GRID2: variants seen among roughly 807,000 people sequenced by gnomAD.
The protein encoded by GRID2 is glutamate receptor ionotropic, delta-2.
In GRID2, 33 loss-of-function variants were observed where a neutral mutation model predicts 114.8. The observed-to-expected ratio is 0.29, with a 90% confidence interval of 0.22 to 0.38. GRID2 has a LOEUF of 0.38. Ranked by LOEUF, GRID2 falls within the 10% of genes least tolerant of loss-of-function variation. GRID2 has a pLI of 1.00. For missense variants in GRID2, 1,184 were observed against 1,257.7 expected (o/e 0.94, Z 0.89); for synonymous variants, 505 against 449.9 (o/e 1.12, Z -1.55).
At chr4:92,691,637 C>A (rs919784472) in intron 2 of GRID2, among the ~76,000 whole-genome samples, 6 of 152,214 alleles carry the variant, frequency 3.9e-5, no homozygotes, top group African/African-American at 7.2e-5. Flanking sequence ...ATTTCAAAAT[C>A]TCTGGGCTGG....
intron 4 of GRID2, among the ~76,000 whole-genome samples, chr4:93,125,074 G>A (rs915768339): frequency 1.3e-5 from 2 of 151,968 alleles, no homozygotes; most frequent in Non-Finnish European, 2.9e-5. Flanking sequence ...AAGAGCTAGA[G>A]TATAGCCAAG....
At chr4:92,528,066 G>C (rs1725130718) in intron 1 of GRID2, among the ~76,000 whole-genome samples, 1 of 151,884 alleles carries the variant, frequency 6.6e-6, no homozygotes, top group African/African-American at 2.4e-5. Flanking sequence ...GGAGAAATTG[G>C]TTGAATTGGC....
intron 1 of GRID2, among the ~76,000 whole-genome samples, chr4:92,546,048 T>C (rs939574480): frequency 6.6e-6 from 1 of 152,196 alleles, no homozygotes; most frequent in Non-Finnish European, 1.5e-5. Context: ...TAGTTTCCGA[T>C]ACACCAAGGC....
At chr4:93,446,466 G>A (rs1030852130) in intron 10 of GRID2, among the ~76,000 whole-genome samples, 1 of 152,000 alleles carries the variant, frequency 6.6e-6, no homozygotes, top group African/African-American at 2.4e-5. Flanking sequence ...TGATCAGTTA[G>A]ACTAATAAAC....
intron 8 of GRID2, among the ~76,000 whole-genome samples, chr4:93,378,777 C>A (rs146603372): frequency 2.0e-5 from 3 of 152,058 alleles, no homozygotes; most frequent in East Asian, 3.9e-4. Context: ...GGCTTAAAAC[C>A]TTTGTGCATC....
chr4:92,500,094 C>T (rs60005779), intron 1 of GRID2, among the ~76,000 whole-genome samples: 3,116 of 152,168 alleles, frequency 0.02, 120 homozygotes, highest in African/African-American at 0.071. Context: ...TCTAATTCAT[C>T]GGTCTTGAAG....
At chr4:92,772,064 A>G (rs985544428) in intron 2 of GRID2, among the ~76,000 whole-genome samples, 2 of 152,198 alleles carry the variant, frequency 1.3e-5, no homozygotes, top group Non-Finnish European at 2.9e-5. Context: ...AAATAGAAAA[A>G]GTATTTTCTT....
At chr4:93,329,857 G>A (rs943939077) in intron 8 of GRID2, among the ~76,000 whole-genome samples, 3 of 151,676 alleles carry the variant, frequency 2.0e-5, no homozygotes, top group Non-Finnish European at 4.4e-5. Context: ...CTTTACAAAC[G>A]TAGGATTCTG....
At chr4:92,338,288 T>G (rs957970229) in intron 1 of GRID2, among the ~76,000 whole-genome samples, 1 of 152,218 alleles carries the variant, frequency 6.6e-6, no homozygotes. Flanking sequence ...GGATTGTACC[T>G]ATACCATAAA....
intron 4 of GRID2, among the ~76,000 whole-genome samples, chr4:93,117,800 C>G (rs2149359113): frequency 6.6e-6 from 1 of 152,176 alleles, no homozygotes; most frequent in East Asian, 1.9e-4. Context: ...TATGTATAGG[C>G]AAGAGTTATA....
intron 8 of GRID2, among the ~76,000 whole-genome samples, chr4:93,372,177 A>G (rs1560551489): frequency 6.6e-6 from 1 of 152,216 alleles, no homozygotes; most frequent in Non-Finnish European, 1.5e-5. Flanking sequence ...AGGTAACAAT[A>G]AAATAGTAAT....
rs112135336 is a variant in GRID2, at chr4:93,053,849, T to G, written c.245-31146T>G. On this transcript the variant is annotated intron_variant, in intron 2 of 15. Coordinates refer to ENST00000282020, the MANE Select transcript of GRID2 (RefSeq NM_001510.4). ...GATGCTTACACAACAAACACATGGA[T>G]GCTTACCAAGATCAATTAACAATAT... 1.4e-3 allele frequency among the ~76,000 whole-genome samples: 211 copies of G among 152,020 alleles called. 1 individual carries two copies. Among genetic ancestry groups the G allele is most frequent in the African/African-American group, 4.7e-3 (197 of 41,512 alleles).
At chr4:93,121,935 G>A (rs1733817553) in intron 4 of GRID2, among the ~76,000 whole-genome samples, 1 of 152,048 alleles carries the variant, frequency 6.6e-6, no homozygotes, top group Admixed American at 6.6e-5. Flanking sequence ...CTTTTATGGA[G>A]TGCCTGTTGA....
At chr4:93,614,655 A>G (rs1741405317) in intron 13 of GRID2, among the ~76,000 whole-genome samples, 1 of 152,184 alleles carries the variant, frequency 6.6e-6, no homozygotes, top group South Asian at 2.1e-4. Context: ...AGTACTAATT[A>G]AATAATAGAT....
intron 2 of GRID2, among the ~76,000 whole-genome samples, chr4:92,943,539 T>G (rs1447485191): frequency 1.3e-5 from 2 of 152,146 alleles, no homozygotes; most frequent in Admixed American, 6.5e-5. Context: ...CTCCTTTAGC[T>G]CGGAGTAGTT....
chr4:93,466,045 T>C (rs1035252331), intron 11 of GRID2, among the ~76,000 whole-genome samples: 1 of 152,124 alleles, frequency 6.6e-6, no homozygotes, highest in Non-Finnish European at 1.5e-5. Context: ...GACTTAGGTT[T>C]TGGGGGGATT....
At chr4:92,358,944 A>G (rs1728474708) in intron 1 of GRID2, among the ~76,000 whole-genome samples, 1 of 151,948 alleles carries the variant, frequency 6.6e-6, no homozygotes, top group South Asian at 2.1e-4. Context: ...TTGCAATTTC[A>G]TGTTTTGAAC....
intron 9 of GRID2, among the ~76,000 whole-genome samples, 169 bp from the exon 10 acceptor site, chr4:93,422,602 C>T (rs1052913196): frequency 6.6e-6 from 1 of 152,104 alleles, no homozygotes; most frequent in African/African-American, 2.4e-5. Context: ...AATGATTAAG[C>T]ATTGTTAAAT....
intron 14 of GRID2, among the ~76,000 whole-genome samples, chr4:93,650,826 G>C (rs996438327): frequency 1.3e-5 from 2 of 151,336 alleles, no homozygotes; most frequent in African/African-American, 4.9e-5. Flanking sequence ...GCTTCTCCCT[G>C]TTATCATTGA....
Sources: gnomAD v4.1 joint callset for allele counts (sites outside exome capture counted in the v4.1 genomes callset) on GRCh38, gnomAD v4.1.1 for gene constraint, MANE v1.5 for transcripts, NCBI Gene and HGNC (gene_info 2026-07-23, HGNC 2026-07-21) for gene names.